Variants in GALNTL6 observed in about 807,000 individuals in gnomAD.
GALNTL6 encodes polypeptide N-acetylgalactosaminyltransferase-like 6.
GALNTL6 carries 46 observed loss-of-function variants against 73.7 expected under a neutral mutation model. The observed-to-expected ratio is 0.62, with a 90% CI of 0.49 to 0.80. The LOEUF (loss-of-function observed/expected upper bound fraction) is 0.80, where lower values mean the gene tolerates loss of function less well. Among genes scored for constraint, GALNTL6 ranks in the 30% least tolerant of loss-of-function variants. GALNTL6 has a pLI of 0.00. For synonymous variants in GALNTL6, 259 were observed against 263.7 expected (o/e 0.98, Z 0.17); for missense variants, 604 against 755.0 (o/e 0.80, Z 2.34).
chr4:171,981,739 T>C (rs932998402), intron 2 of GALNTL6, among the ~76,000 whole-genome samples: 1 of 152,120 alleles, frequency 6.6e-6, no homozygotes, highest in Admixed American at 6.5e-5. Flanking sequence ...TTAGCTACTT[T>C]CAGTATACTT....
chr4:172,575,673 C>T (rs1266868431), intron 5 of GALNTL6, among the ~76,000 whole-genome samples: 1 of 152,184 alleles, frequency 6.6e-6, no homozygotes, highest in East Asian at 1.9e-4. Context: ...GTCTGTAGCA[C>T]TGACACTGTT....
chr4:172,081,062 T>A (rs1051169742), intron 2 of GALNTL6, among the ~76,000 whole-genome samples: 8 of 152,144 alleles, frequency 5.3e-5, no homozygotes, highest in African/African-American at 1.9e-4. Context: ...ACATTTTGAA[T>A]GTACTATGTT....
chr4:172,033,783 G>A (rs1741843162), intron 2 of GALNTL6, among the ~76,000 whole-genome samples: 1 of 152,138 alleles, frequency 6.6e-6, no homozygotes, highest in Non-Finnish European at 1.5e-5. Context: ...AGTTGTGACA[G>A]AGATTGTATA....
At chr4:171,970,082 T>C (rs1270432542) in intron 2 of GALNTL6, among the ~76,000 whole-genome samples, 1 of 152,204 alleles carries the variant, frequency 6.6e-6, no homozygotes, top group Non-Finnish European at 1.5e-5. Context: ...AAACCACCTT[T>C]AAAGAATGTG....
At chr4:172,818,924 A>G (rs1741769700) in intron 7 of GALNTL6, among the ~76,000 whole-genome samples, 1 of 152,182 alleles carries the variant, frequency 6.6e-6, no homozygotes, top group South Asian at 2.1e-4. Flanking sequence ...TCTCTCAGAA[A>G]CCACTATGTT....
chr4:173,021,948 C>T (rs559468529), intron 12 of GALNTL6, among the ~76,000 whole-genome samples: 3 of 150,590 alleles, frequency 2.0e-5, no homozygotes, highest in South Asian at 2.1e-4. Flanking sequence ...GAGCCAAGAT[C>T]GTGCCACTAC....
chr4:171,817,579 T>G (rs1734554665), intron 2 of GALNTL6, among the ~76,000 whole-genome samples: 1 of 151,878 alleles, frequency 6.6e-6, no homozygotes, highest in African/African-American at 2.4e-5. Flanking sequence ...ACTTTTTTTC[T>G]CTAATCTACT....
At chr4:171,825,913 T>C (rs545567456) in intron 2 of GALNTL6, among the ~76,000 whole-genome samples, 1 of 152,298 alleles carries the variant, frequency 6.6e-6, no homozygotes, top group African/African-American at 2.4e-5. Flanking sequence ...ATTTTTCAGC[T>C]CAAGTCTTCT....
chr4:172,521,200 A>C (rs558125770), intron 5 of GALNTL6, among the ~76,000 whole-genome samples: 1 of 152,290 alleles, frequency 6.6e-6, no homozygotes, highest in African/African-American at 2.4e-5. Flanking sequence ...TTCACTATTT[A>C]AAATGAGAAT....
chr4:171,902,356 A>G (rs981385463), intron 2 of GALNTL6, among the ~76,000 whole-genome samples: 2 of 152,224 alleles, frequency 1.3e-5, no homozygotes, highest in African/African-American at 4.8e-5. Context: ...AAGTGCAGTA[A>G]AAATCAAGGA....
chr4:172,340,344 G>T (rs1272923073), intron 4 of GALNTL6, among the ~76,000 whole-genome samples: 1 of 152,068 alleles, frequency 6.6e-6, no homozygotes, highest in Non-Finnish European at 1.5e-5. Context: ...GATAAGTCCA[G>T]CTTGATTATG....
intron 3 of GALNTL6, among the ~76,000 whole-genome samples, chr4:172,297,624 CTTG>C (rs986566959): frequency 2.2e-4 from 34 of 152,278 alleles, no homozygotes; most frequent in African/African-American, 7.9e-4. Context: ...TTCCCCATTT[CTTG>C]TTTTTATCAG....
intron 5 of GALNTL6, among the ~76,000 whole-genome samples, chr4:172,522,404 C>T: frequency 6.6e-6 from 1 of 152,122 alleles, no homozygotes; most frequent in East Asian, 1.9e-4. Flanking sequence ...GGGCTTGTGG[C>T]TTACACGTGT....
intron 2 of GALNTL6, among the ~76,000 whole-genome samples, chr4:172,075,538 TCTTAGCCAG>T (rs1021254552): frequency 1.3e-5 from 2 of 152,078 alleles, no homozygotes; most frequent in Non-Finnish European, 2.9e-5. Flanking sequence ...GGTTCCACCG[TCTTAGCCAG>T]GATGGTCTCG....
chr4:172,296,826 A>G (rs2111111821), intron 3 of GALNTL6, among the ~76,000 whole-genome samples: 1 of 152,288 alleles, frequency 6.6e-6, no homozygotes, highest in Non-Finnish European at 1.5e-5. Flanking sequence ...TAAACAAACG[A>G]GTGCATGTGT....
intron 2 of GALNTL6, among the ~76,000 whole-genome samples, chr4:171,943,633 T>C (rs977291559): frequency 1.3e-5 from 2 of 152,198 alleles, no homozygotes; most frequent in Admixed American, 1.3e-4. Flanking sequence ...TAAAAAAATC[T>C]GTATTTGCTT....
At chr4:171,982,506 G>T (rs904819760) in intron 2 of GALNTL6, among the ~76,000 whole-genome samples, 2 of 151,976 alleles carry the variant, frequency 1.3e-5, no homozygotes, top group African/African-American at 4.8e-5. Flanking sequence ...CACTGTCTTA[G>T]CCAGGATGGT....
At chr4:172,022,345 G>C (rs1476988905) in intron 2 of GALNTL6, among the ~76,000 whole-genome samples, 1 of 151,936 alleles carries the variant, frequency 6.6e-6, no homozygotes, top group Non-Finnish European at 1.5e-5. Flanking sequence ...CCTCCACACT[G>C]ACTTTTTCAA....
chr4:171,952,212 C>A (rs1223092898), intron 2 of GALNTL6, among the ~76,000 whole-genome samples: 1 of 150,984 alleles, frequency 6.6e-6, no homozygotes, highest in Non-Finnish European at 1.5e-5. Context: ...ATTGACCAGG[C>A]TTTGTTTATG....
Sources: gnomAD v4.1 joint callset for allele counts (sites outside exome capture counted in the v4.1 genomes callset) on GRCh38, gnomAD v4.1.1 for gene constraint, MANE v1.5 for transcripts, NCBI Gene and HGNC (gene_info 2026-07-23, HGNC 2026-07-21) for gene names.